Variants in CLMP observed in about 807,000 individuals in gnomAD.
CLMP encodes the protein CXADR like cell adhesion molecule, also known as CXADR-like membrane protein.
Under a neutral mutation model 45.2 loss-of-function variants are expected in CLMP, and 27 were observed. That is an observed-to-expected ratio of 0.60 (90% CI 0.44 to 0.82). CLMP has a LOEUF of 0.82. CLMP is among the 40% of genes least tolerant of loss of function. The pLI, the probability that CLMP is intolerant of heterozygous loss-of-function variation, is 0.00. For synonymous variants in CLMP, 167 were observed against 171.4 expected (o/e 0.97, Z 0.20); for missense variants, 403 against 448.4 (o/e 0.90, Z 0.91).
chr11:123,135,902 G>A lies in CLMP; in HGVS notation c.29-37950C>T, dbSNP rs114424908. 2.1e-3 allele frequency: 1,129 copies of A among 528,334 alleles called. 16 individuals are homozygous for A. Among genetic ancestry groups the A allele is most frequent in the African/African-American group, 0.02 (1,049 of 51,248 alleles). The allele number at this position is 528,334 out of a possible 1,614,324, so 32.7% of individuals were successfully genotyped here. ...TTCTTCTCATAGTTGAATCCACTAT[G>A]GGAGAACATTCACGTCCTTAAGATG... On this transcript the variant is annotated intron_variant, in intron 1 of 6. Transcript: ENST00000448775.
intron 1 of CLMP, among the ~76,000 whole-genome samples, chr11:123,135,025 TGAA>T (rs200806576): frequency 0.029 from 4,421 of 152,038 alleles, 176 homozygotes; most frequent in African/African-American, 0.099. Flanking sequence ...TTTGGGAGGC[TGAA>T]GGAGGTGGAT....
intron 1 of CLMP, among the ~76,000 whole-genome samples, chr11:123,185,400 G>A (rs1187943993): frequency 6.6e-6 from 1 of 152,198 alleles, no homozygotes; most frequent in Non-Finnish European, 1.5e-5. Context: ...GAGAGAGAGA[G>A]AGAGAGAGCA....
intron 1 of CLMP, among the ~76,000 whole-genome samples, chr11:123,153,760 C>T (rs1051426105): frequency 6.6e-6 from 1 of 152,046 alleles, no homozygotes; most frequent in Non-Finnish European, 1.5e-5. Context: ...TCAGCTCACT[C>T]CAGCCTCGAC....
At chr11:123,120,224 C>A (rs1414504465) in intron 1 of CLMP, among the ~76,000 whole-genome samples, 1 of 151,988 alleles carries the variant, frequency 6.6e-6, no homozygotes, top group Non-Finnish European at 1.5e-5. Context: ...AGATTGAGAC[C>A]AACCTGGGCA....
rs891765028 is a variant in CLMP, at chr11:123,105,769, C to A, written c.29-7817G>T. ...TCATAGATTCTCCTGAACCTTAAGA[C>A]CCCCTTCAAAGAGATGGGCAGGAGG... On this transcript the variant is annotated intron_variant, in intron 1 of 6. Transcript: ENST00000448775. Among the ~76,000 whole-genome samples the A allele has an allele frequency of 8.6e-5, 13 of 151,592 alleles. No individual in the cohort carries two copies. The East Asian group carries it at 2.5e-3, about 29-fold the overall frequency.
rs534130499 is a variant in CLMP at position 123,070,031 on chromosome 11, A to C, written c.*3443T>G. The C allele has an allele frequency of 5.9e-5, 9 of 152,358 alleles. No individual in the cohort carries two copies. The highest frequency in any genetic ancestry group is 1.9e-4 in the African/African-American group (8 of 41,584). 9.4% of individuals were successfully genotyped at this position (152,358 alleles called of 1,614,324 possible). A position where few individuals can be genotyped will look rare whatever the true frequency, so the allele number is the denominator to read the frequency against. The stretch of plus-strand genomic sequence containing the variant: ...CTTAACACCAGAAGGAAGCAAAACT[A>C]TATATGTCTTTTTGCAACAGCAGTT... On this transcript the variant is annotated 3_prime_UTR_variant, in exon 7 of 7. Transcript: ENST00000448775.
chr11:123,168,086 G>A lies in CLMP; in HGVS notation c.28+26827C>T, dbSNP rs547139754. On this transcript the variant is annotated intron_variant, in intron 1 of 6. Transcript: ENST00000448775. The stretch of plus-strand genomic sequence containing the variant: ...TGGTCAACAAAGGAATTGGGACCGG[G>A]GAAATCCTGTCCTAAGAATCTGAGC... Among the ~76,000 whole-genome samples the A allele has an allele frequency of 2.0e-5, 3 of 152,320 alleles. No individual in the cohort carries two copies. In the South Asian group the frequency reaches 6.2e-4, roughly 32 times the overall value.
intron 1 of CLMP, among the ~76,000 whole-genome samples, chr11:123,121,063 C>A: frequency 6.9e-6 from 1 of 144,492 alleles, no homozygotes; most frequent in East Asian, 2.1e-4. Context: ...GGAGGTGAAG[C>A]TTGCAGTGAG....
At position 123,073,704 on chromosome 11, in the gene CLMP, G is replaced by A. The variant is rs898341255; in HGVS notation, c.892C>T (p.Arg298Cys). 18 of 1,613,986 alleles carry A rather than the reference G, an allele frequency of 1.1e-5. 1 individual carries two copies. Among genetic ancestry groups the A allele is most frequent in the African/African-American group, 6.7e-5 (5 of 74,932 alleles). ...GAGCGAGTGGAGGAAGAACCAGAGC[G>A]TGAGCTCCGAGAGCCTGAGGAAGAG... The part of the protein sequence containing the change: ...SSSSSGSRSS[R>C]SGSSSTRSTA... The change falls in exon 7 of 7, where the codon CGC becomes TGC. Residue 298 changes from arginine to cysteine, a missense_variant. By Grantham distance (180) the Arg-to-Cys change is radical (BLOSUM62 -3). Coordinates refer to ENST00000448775, the MANE Select transcript of CLMP (RefSeq NM_024769.5).
Position 123,183,692 on chromosome 11 carries a change from A to G in CLMP, c.28+11221T>C, listed in dbSNP as rs530048362. Among the ~76,000 whole-genome samples, 3 of 152,266 alleles carry G rather than the reference A, an allele frequency of 2.0e-5. No individual in the cohort carries two copies. In the East Asian group the frequency reaches 5.8e-4, roughly 29 times the overall value. On this transcript the variant is annotated intron_variant, in intron 1 of 6. Coordinates refer to ENST00000448775, the MANE Select transcript of CLMP (RefSeq NM_024769.5). ...AGGATGCTTGGTCACTGTATGCGTG[A>G]AACAAATCTCAAATCTCAAATCTTC...
In CLMP at chr11:123,070,864, A is replaced by G. The variant is rs1211437205; in HGVS notation, c.*2610T>C. ...CAGACATTTATATGTTAATTCCTCA[A>G]TGTCTCATTTCCCACCTTTTTTAGA... is the stretch of plus-strand genomic sequence containing the variant. On this transcript the variant is annotated 3_prime_UTR_variant, in exon 7 of 7. Coordinates refer to ENST00000448775, the MANE Select transcript of CLMP (RefSeq NM_024769.5). 1 of 152,226 alleles carries G rather than the reference A, an allele frequency of 6.6e-6. No individual in the cohort carries two copies. The highest frequency in any genetic ancestry group is 1.5e-5 in the Non-Finnish European group (1 of 68,040). 9.4% of individuals were successfully genotyped at this position (152,226 alleles called of 1,614,324 possible).
intron 1 of CLMP, among the ~76,000 whole-genome samples, chr11:123,194,320 C>T (rs1861948880): frequency 6.6e-6 from 1 of 152,158 alleles, no homozygotes; most frequent in Admixed American, 6.5e-5. Context: ...CAGCCTTGCT[C>T]TTCTGTTTTA....
chr11:123,109,909 G>A (rs1038269447), intron 1 of CLMP, among the ~76,000 whole-genome samples: 4 of 152,134 alleles, frequency 2.6e-5, no homozygotes, highest in Admixed American at 6.6e-5. Context: ...AGGGGCATTC[G>A]GGGAGTCATG....
intron 1 of CLMP, among the ~76,000 whole-genome samples, chr11:123,183,286 A>G (rs190410354): frequency 6.6e-6 from 1 of 152,114 alleles, no homozygotes; most frequent in Non-Finnish European, 1.5e-5. Flanking sequence ...GCTAGAGTGC[A>G]GTGGCGGGAT....
In CLMP at chr11:123,071,340, A is replaced by T. The variant is rs984794587; in HGVS notation, c.*2134T>A. The T allele has an allele frequency of 2.6e-5, 4 of 152,202 alleles. No individual in the cohort carries two copies. The highest frequency in any genetic ancestry group is 9.7e-5 in the African/African-American group (4 of 41,424). The allele number at this position is 152,202 out of a possible 1,614,324, so 9.4% of individuals were successfully genotyped here. A position where few individuals can be genotyped will look rare whatever the true frequency, so the allele number is the denominator to read the frequency against. On this transcript the variant is annotated 3_prime_UTR_variant, in exon 7 of 7. Transcript: ENST00000448775. ...ATCCAAGCTACTTGGGGGACTGAGG[A>T]AGGAGAATCGCTTGAACTCGGGAGG...
Position 123,083,191 on chromosome 11 carries a change from T to G in CLMP, c.573A>C (p.Gly191=). 6.2e-7 allele frequency: 1 copy of G among 1,614,124 alleles called. No homozygotes were observed. Among genetic ancestry groups the G allele is most frequent in the Non-Finnish European group, 8.5e-7 (1 of 1,180,008 alleles). The change falls in exon 5 of 7, where the codon GGA becomes GGC. Residue 191 remains glycine, a synonymous_variant. Transcript: ENST00000448775. ...PKSRIDYNHP[G]RVLLQNLTMS... is the part of the protein sequence containing the mutation. Reference sequence around the variant, plus strand: ...TGGTAAGATTCTGCAGCAGAACTCGTCCAGGGTGGTTGTAGTCTGCACAAG... The same window carrying G: ...TGGTAAGATTCTGCAGCAGAACTCGGCCAGGGTGGTTGTAGTCTGCACAAG...
At chr11:123,099,679 G>A (rs571748061) in intron 1 of CLMP, among the ~76,000 whole-genome samples, 6 of 152,152 alleles carry the variant, frequency 3.9e-5, no homozygotes, top group Non-Finnish European at 7.4e-5. Context: ...AAAAGCACAG[G>A]ATGGGAGAGG....
At position 123,161,699 on chromosome 11, in the gene CLMP, C is replaced by T. The variant is rs139855543; in HGVS notation, c.28+33214G>A. 3.2e-3 allele frequency among the ~76,000 whole-genome samples: 486 copies of T among 152,046 alleles called. 2 individuals carry two copies. Among genetic ancestry groups the T allele is most frequent in the Middle Eastern group, 0.017 (5 of 294 alleles). On this transcript the variant is annotated intron_variant, in intron 1 of 6. Transcript: ENST00000448775. ...CAAAATAAATAAATAAATAAATAAA[C>T]AAACAAATATACAAAAATAAATACA... is the stretch of plus-strand genomic sequence containing the variant.
chr11:123,146,288 T>A (rs1861237174), intron 1 of CLMP, among the ~76,000 whole-genome samples: 1 of 152,110 alleles, frequency 6.6e-6, no homozygotes, highest in South Asian at 2.1e-4. Context: ...ATCCCAGCAT[T>A]TTGGGAGTAT....
Sources: allele counts gnomAD v4.1 joint callset (sites outside exome capture counted in the v4.1 genomes callset), GRCh38; gene constraint gnomAD v4.1.1; transcripts MANE v1.5; gene names NCBI Gene and HGNC (gene_info 2026-07-23, HGNC 2026-07-21).